Variants in UNC13A observed in about 807,000 individuals in gnomAD.
UNC13A encodes unc-13 homolog A, also known as protein unc-13 homolog A.
A neutral mutation model predicts 219.7 loss-of-function variants in UNC13A; 61 were observed. That is an observed-to-expected ratio of 0.28 (90% CI 0.23 to 0.34). The LOEUF (loss-of-function observed/expected upper bound fraction) is 0.34. Ranked by LOEUF, UNC13A falls within the 10% of genes least tolerant of loss-of-function variation. UNC13A has a pLI of 1.00. For missense variants in UNC13A, 1,476 were observed against 2,270.3 expected (o/e 0.65, Z 7.11); for synonymous variants, 920 against 884.6 (o/e 1.04, Z -0.71).
At chr19:17,632,965 G>A (rs1316467942) in intron 27 of UNC13A, 57 bp from the exon 28 acceptor site, 3 of 1,611,712 alleles carry the variant, frequency 1.9e-6, no homozygotes, top group Non-Finnish European at 2.5e-6. Context: ...CTCTGTCTCG[G>A]CAGAGAGGCT....
At chr19:17,670,628 G>A (rs1462550684) in intron 4 of UNC13A, among the ~76,000 whole-genome samples, 7 of 152,182 alleles carry the variant, frequency 4.6e-5, no homozygotes, top group East Asian at 1.9e-4. Flanking sequence ...CACTGGCCAG[G>A]TGCGGTGACT....
At chr19:17,624,123 T>G (rs1346853952) in intron 35 of UNC13A, among the ~76,000 whole-genome samples, 2 of 105,830 alleles carry the variant, frequency 1.9e-5, no homozygotes, top group African/African-American at 3.8e-5. Context: ...ATGCCTTCTC[T>G]TTTTTTTTTT....
chr19:17,623,879 G>A (rs2076755656), intron 35 of UNC13A, among the ~76,000 whole-genome samples: 6 of 152,124 alleles, frequency 3.9e-5, no homozygotes, highest in South Asian at 4.1e-4. Context: ...TCCCTCTACA[G>A]ATGTTTGGGT....
Position 17,638,487 on chromosome 19 carries a change from A to C in UNC13A, c.3081+596T>G, listed in dbSNP as rs114372010. Reference sequence around the variant, plus strand: ...CATCTCAAAATAAATAAATAAATTCAATTCAACTCAACATTTACTGAACAG... The same window carrying C: ...CATCTCAAAATAAATAAATAAATTCCATTCAACTCAACATTTACTGAACAG... On this transcript the variant is annotated intron_variant, in intron 25 of 43. Coordinates refer to ENST00000519716, the MANE Select transcript of UNC13A (RefSeq NM_001080421.3). Among the ~76,000 whole-genome samples, 583 of 151,126 alleles carry C rather than the reference A, an allele frequency of 3.9e-3. 2 individuals are homozygous for C. The highest frequency in any genetic ancestry group is 0.014 in the African/African-American group (574 of 41,182).
chr19:17,687,264 G>A (rs1045862434), intron 1 of UNC13A, among the ~76,000 whole-genome samples: 3 of 152,028 alleles, frequency 2.0e-5, no homozygotes, highest in African/African-American at 7.2e-5. Context: ...CCTGGGCGTG[G>A]GCCTCTGTGC....
chr19:17,652,615 C>G lies in UNC13A; in HGVS notation c.1439+16G>C, dbSNP rs2079370142. On this transcript the variant is annotated intron_variant, in intron 12 of 43. Coordinates refer to ENST00000519716, the MANE Select transcript of UNC13A (RefSeq NM_001080421.3). ...GTTCAAATCTTCCTCCCACCGCTCA[C>G]AGTTTCATTACTTACCCGCCTTTGA... The G allele has an allele frequency of 6.2e-7, 1 of 1,613,866 alleles. No individual in the cohort carries two copies. Among genetic ancestry groups the G allele is most frequent in the Non-Finnish European group, 8.5e-7 (1 of 1,179,812 alleles).
chr19:17,650,500 G>A (rs8103661), intron 12 of UNC13A, among the ~76,000 whole-genome samples: 23,684 of 151,976 alleles, frequency 0.16, 2,765 homozygotes, highest in African/African-American at 0.33. Flanking sequence ...GTGACAGAGC[G>A]AGACTCTGTA....
At position 17,607,903 on chromosome 19, in the gene UNC13A, A is replaced by C. The variant is rs1466650023; in HGVS notation, c.4812-1549T>G. Among the ~76,000 whole-genome samples, 4 of 106,836 alleles carry C rather than the reference A, an allele frequency of 3.7e-5. No homozygotes were observed. The East Asian group carries it at 8.0e-4, about 21-fold the overall frequency. 70.1% of individuals were successfully genotyped at this position (106,836 alleles called of 152,430 possible). A position where few individuals can be genotyped will look rare whatever the true frequency, so the allele number is the denominator to read the frequency against. On this transcript the variant is annotated intron_variant, in intron 43 of 43. Transcript: ENST00000519716. The stretch of plus-strand genomic sequence containing the variant: ...TTTTTTTTTTTTTTTTTTTTGAGGC[A>C]GAGTCTTGCTCTGTCGCCCAGGCTG...
At chr19:17,608,976 A>T (rs1283232284) in intron 43 of UNC13A, among the ~76,000 whole-genome samples, 2 of 97,416 alleles carry the variant, frequency 2.1e-5, no homozygotes, top group Non-Finnish European at 2.0e-5. Flanking sequence ...TTTTTTTTTG[A>T]GGTGGAGTTT....
In UNC13A at chr19:17,601,401, C is replaced by T. The variant is rs2076462445; in HGVS notation, c.*4653G>A. On this transcript the variant is annotated 3_prime_UTR_variant, in exon 44 of 44. Transcript: ENST00000519716. ...AATATTTTTACAGAGACCAAAAAGT[C>T]AGAATAGTGCAAAACATCTCAACAC... is the stretch of plus-strand genomic sequence containing the variant. 6.6e-6 allele frequency: 1 copy of T among 152,470 alleles called. No individual in the cohort carries two copies. Among genetic ancestry groups the T allele is most frequent in the South Asian group, 2.1e-4 (1 of 4,830 alleles). The allele number at this position is 152,470 out of a possible 1,614,324, so 9.4% of individuals were successfully genotyped here. A position where few individuals can be genotyped will look rare whatever the true frequency, so the allele number is the denominator to read the frequency against.
chr19:17,662,780 C>T (rs530789094), intron 8 of UNC13A, among the ~76,000 whole-genome samples: 9 of 152,066 alleles, frequency 5.9e-5, no homozygotes, highest in Admixed American at 2.6e-4. Flanking sequence ...ATTAGCCGGG[C>T]GTGTTGGCGG....
intron 5 of UNC13A, 131 bp downstream of exon 5, chr19:17,669,422 G>A (rs1325974783): frequency 3.1e-6 from 4 of 1,302,830 alleles, no homozygotes; most frequent in Non-Finnish European, 4.1e-6. Context: ...TCTCCTCCGG[G>A]GCGAAGGACC....
intron 41 of UNC13A, among the ~76,000 whole-genome samples, chr19:17,612,895 C>T (rs1026311852): frequency 4.0e-5 from 6 of 151,750 alleles, no homozygotes; most frequent in Admixed American, 3.3e-4. Context: ...TCATGTCCCT[C>T]CTCTGCTCAA....
intron 1 of UNC13A, among the ~76,000 whole-genome samples, chr19:17,680,071 G>A (rs1199040896): frequency 2.0e-5 from 3 of 151,952 alleles, no homozygotes; most frequent in Admixed American, 2.0e-4. Flanking sequence ...CAGGAAAGGG[G>A]GCCGAGAGTG....
intron 37 of UNC13A, 148 bp from the exon 38 acceptor site, chr19:17,620,870 C>A (rs1272002680): frequency 4.8e-6 from 4 of 839,740 alleles, no homozygotes; most frequent in Non-Finnish European, 8.0e-6. Context: ...GCCCCCTCCC[C>A]AGCTAGCACC....
chr19:17,676,084 T>A (rs1315416740), intron 1 of UNC13A, 43 bp from the exon 2 acceptor site: 2 of 1,545,154 alleles, frequency 1.3e-6, no homozygotes, highest in Admixed American at 3.9e-5. Context: ...TGGGGAGAGA[T>A]GTGGGGAGGA....
At chr19:17,626,441 A>T in intron 34 of UNC13A, 192 bp downstream of exon 34, 1 of 561,564 alleles carries the variant, frequency 1.8e-6, no homozygotes, top group Non-Finnish European at 3.0e-6. Flanking sequence ...ACAAATATTT[A>T]CTCACCAATC....
Position 17,629,220 on chromosome 19 carries a change from C to T in UNC13A, c.3753+20G>A. ...AATGGGGCTGAGGAGGGAGATAGGT[C>T]AGGGGCCCCCTCAGGTCACCACTTT... On this transcript the variant is annotated intron_variant, in intron 31 of 43. Transcript: ENST00000519716. 6.3e-7 allele frequency: 1 copy of T among 1,593,804 alleles called. No homozygotes were observed. Among genetic ancestry groups the T allele is most frequent in the Non-Finnish European group, 8.5e-7 (1 of 1,170,144 alleles).
chr19:17,619,340 T>C (rs779710696), intron 38 of UNC13A, among the ~76,000 whole-genome samples: 1 of 148,646 alleles, frequency 6.7e-6, no homozygotes, highest in Non-Finnish European at 1.5e-5. Flanking sequence ...TTGCAGAAAA[T>C]GGCTCTGGTC....
Sources: allele counts gnomAD v4.1 joint callset (sites outside exome capture counted in the v4.1 genomes callset), GRCh38; gene constraint gnomAD v4.1.1; transcripts MANE v1.5; gene names NCBI Gene and HGNC (gene_info 2026-07-23, HGNC 2026-07-21).